The following NPAS1 variants were observed in gnomAD, a reference collection of about 807,000 sequenced individuals.
The protein encoded by NPAS1 is neuronal PAS domain-containing protein 1.
Under a neutral mutation model 49.2 loss-of-function variants are expected in NPAS1, and 29 were observed. The ratio of observed to expected loss-of-function variants is 0.59; its 90% confidence interval spans 0.44 to 0.80. The LOEUF (loss-of-function observed/expected upper bound fraction) is 0.80, where lower values mean the gene tolerates loss of function less well. Ranked by LOEUF, NPAS1 falls within the 30% of genes least tolerant of loss-of-function variation. NPAS1 has a pLI of 0.00. For synonymous variants in NPAS1, 408 were observed against 380.4 expected, an observed-to-expected ratio of 1.07 and a Z score of -0.84; for missense variants, 825 against 835.5, an observed-to-expected ratio of 0.99 and a Z score of 0.15.
At chr19:47,025,660 C>G (rs2056866910) in intron 3 of NPAS1, among the ~76,000 whole-genome samples, 1 of 152,036 alleles carries the variant, frequency 6.6e-6, no homozygotes, top group Non-Finnish European at 1.5e-5. Context: ...ACTGCAGCCT[C>G]CACCTACTAG....
Position 47,033,975 on chromosome 19 carries a change from TAAAAAAAAAAAAAAAAAAAAAAAAAAAAA to T in NPAS1, c.522+1261_522+1289del, listed in dbSNP as rs532811476. Among the ~76,000 whole-genome samples the T allele has an allele frequency of 7.9e-5, 8 of 100,822 alleles. 1 individual carries two copies. In the East Asian group the frequency reaches 1.7e-3, roughly 22 times the overall value. The allele number at this position is 100,822 out of a possible 152,430, so 66.1% of individuals were successfully genotyped here. A position where few individuals can be genotyped will look rare whatever the true frequency, so the allele number is the denominator to read the frequency against. The stretch of plus-strand genomic sequence containing the variant: ...TGGACAACAAAGTGAGGCTATGCCT[TAAAAAAAAAAAAAAAAAAAAAAAAAAAAA>T]AAAAAAAAAAAAAAAAAGGGCCGGG... On this transcript the variant is annotated intron_variant, in intron 5 of 11. Transcript: ENST00000602212.
chr19:47,033,226 T>C (rs2056920355), intron 5 of NPAS1, among the ~76,000 whole-genome samples: 1 of 149,230 alleles, frequency 6.7e-6, no homozygotes, highest in African/African-American at 2.5e-5. Flanking sequence ...TGAGCCACTG[T>C]CCTGGCTGAT....
intron 8 of NPAS1, among the ~76,000 whole-genome samples, chr19:47,039,926 A>G (rs1287572195): frequency 6.6e-6 from 1 of 152,158 alleles, no homozygotes; most frequent in Non-Finnish European, 1.5e-5. Context: ...TAAGTGCTGA[A>G]ATAGTCCCAT....
Position 47,036,014 on chromosome 19 carries a change from C to T in NPAS1, c.573C>T (p.His191=). 2 of 1,596,578 alleles carry T rather than the reference C, an allele frequency of 1.3e-6. No individual in the cohort carries two copies. Among genetic ancestry groups the T allele is most frequent in the Non-Finnish European group, 1.7e-6 (2 of 1,171,818 alleles). The part of the protein sequence containing the change: ...SVFDYIHPGD[H]SEVLEQLGLR... ...TCGACTACATTCACCCTGGGGACCA[C>T]TCAGAGGTGCTGGAGCAACTGGGGC... The change falls in exon 6 of 12, where the codon CAC becomes CAT. Residue 191 remains histidine, a synonymous_variant. Transcript: ENST00000602212.
chr19:47,020,049 A>T, intron 1 of NPAS1, 52 bp downstream of exon 1: 1 of 128,130 alleles, frequency 7.8e-6, no homozygotes. Context: ...TCCCAGAGGA[A>T]TGGGGGGCTG....
At chr19:47,038,242 GGC>G (rs2056979620) in intron 6 of NPAS1, among the ~76,000 whole-genome samples, 1 of 152,246 alleles carries the variant, frequency 6.6e-6, no homozygotes, top group South Asian at 2.1e-4. Context: ...GATGGGGCCA[GGC>G]GCAGTGGCTC....
chr19:47,042,683 C>T, intron 10 of NPAS1, 127 bp from the exon 11 acceptor site: 1 of 651,880 alleles, frequency 1.5e-6, no homozygotes, highest in South Asian at 2.3e-5. Flanking sequence ...CTTGTAAGTG[C>T]CTCAGGGTGG....
In NPAS1 at chr19:47,041,056, T is replaced by A; in HGVS notation, c.1148T>A (p.Val383Glu). ...GGGGGCTTCGTGTGGCTGCAGTCTG[T>A]GGCCACAGTGGCTGGGAGCGGGAAG... ...RAGGFVWLQS[V>E]ATVAGSGKSP... The change falls in exon 10 of 12, where the codon GTG (valine) becomes GAG (glutamate). Residue 383 changes from valine to glutamate, a missense_variant. Transcript: ENST00000602212. The A allele has an allele frequency of 1.9e-6, 3 of 1,592,098 alleles. No homozygotes were observed. Among genetic ancestry groups the A allele is most frequent in the Non-Finnish European group, 2.6e-6 (3 of 1,171,926 alleles).
At position 47,045,569 on chromosome 19, in the gene NPAS1, C is replaced by T; in HGVS notation, c.1691C>T (p.Ala564Val). 2 of 1,498,218 alleles carry T rather than the reference C, an allele frequency of 1.3e-6. No individual in the cohort carries two copies. Among genetic ancestry groups the T allele is most frequent in the Non-Finnish European group, 1.8e-6 (2 of 1,134,090 alleles). The allele number at this position is 1,498,218 out of a possible 1,614,324, so 92.8% of individuals were successfully genotyped here. The change falls in exon 12 of 12, where the codon GCG becomes GTG. Residue 564 changes from alanine (A) to valine (V), a missense_variant. Coordinates refer to ENST00000602212, the MANE Select transcript of NPAS1 (RefSeq NM_002517.4). ...CTGCAGAGGCTGGGTCCGGGCCCCG[C>T]GCTCCCGGAGGCCTTTTACCCGCCC... ...PHLQRLGPGP[A>V]LPEAFYPPLG...
At chr19:47,031,566 T>C (rs1487837891) in intron 3 of NPAS1, among the ~76,000 whole-genome samples, 1 of 140,010 alleles carries the variant, frequency 7.1e-6, no homozygotes, top group Admixed American at 7.6e-5. Context: ...AGTCTCGCAC[T>C]GTCATCCAGG....
rs569677534 is a variant in NPAS1 at position 47,037,498 on chromosome 19, T to C, written c.688+1369T>C. Among the ~76,000 whole-genome samples, 394 of 152,056 alleles carry C rather than the reference T, an allele frequency of 2.6e-3. 1 individual carries two copies. Among genetic ancestry groups the C allele is most frequent in the African/African-American group, 9.2e-3 (383 of 41,458 alleles). On this transcript the variant is annotated intron_variant, in intron 6 of 11. Transcript: ENST00000602212. Reference sequence around the variant, plus strand: ...GGTCACACAGCTATAAGTGATTGAGTTGGATTCTAGCCCAGGTCTGTCTGT... The same window carrying C: ...GGTCACACAGCTATAAGTGATTGAGCTGGATTCTAGCCCAGGTCTGTCTGT...
rs565964025 is a variant in NPAS1 at position 47,021,210 on chromosome 19, G to A, written c.122+41G>A. The A allele has an allele frequency of 1.6e-4, 225 of 1,450,784 alleles. No homozygotes were observed. Among genetic ancestry groups the A allele is most frequent in the Middle Eastern group, 2.3e-4 (1 of 4,438 alleles). 89.9% of individuals were successfully genotyped at this position (1,450,784 alleles called of 1,614,324 possible). On this transcript the variant is annotated intron_variant, in intron 2 of 11. Coordinates refer to ENST00000602212, the MANE Select transcript of NPAS1 (RefSeq NM_002517.4). This position sits in a 1 kb window ranked among gnomAD's most constrained non-coding sequence, Gnocchi z 5.7. ...CCCCCCTGGCCGCGGGCCCCCCCCC[G>A]GGTCCAATTCACACCCGATGTTCTG... is the stretch of plus-strand genomic sequence containing the variant.
intron 5 of NPAS1, 58 bp from the exon 6 acceptor site, chr19:47,035,906 A>T: frequency 6.9e-7 from 1 of 1,450,980 alleles, no homozygotes; most frequent in Non-Finnish European, 9.1e-7. Flanking sequence ...CCAGAGGGCG[A>T]GCGAGTTACT....
Position 47,034,335 on chromosome 19 carries a change from G to T in NPAS1, c.522+1603G>T, listed in dbSNP as rs537756564. Among the ~76,000 whole-genome samples, 31 of 146,966 alleles carry T rather than the reference G, an allele frequency of 2.1e-4. No individual in the cohort carries two copies. In the South Asian group the frequency reaches 5.4e-3, roughly 25 times the overall value. ...GTCTCAAAAAAAAAAAAAAAAAAAG[G>T]GCAGGAAGACCTACTGAAAGCCCCA... On this transcript the variant is annotated intron_variant, in intron 5 of 11. Coordinates refer to ENST00000602212, the MANE Select transcript of NPAS1 (RefSeq NM_002517.4).
chr19:47,027,300 C>CAA, intron 3 of NPAS1, among the ~76,000 whole-genome samples: 1 of 152,132 alleles, frequency 6.6e-6, no homozygotes, highest in Non-Finnish European at 1.5e-5. Flanking sequence ...TTGGAAGAGG[C>CAA]CTTGGCTTCT....
At chr19:47,042,405 C>A (rs2057031374) in intron 10 of NPAS1, among the ~76,000 whole-genome samples, 1 of 152,188 alleles carries the variant, frequency 6.6e-6, no homozygotes, top group African/African-American at 2.4e-5. Flanking sequence ...GAGGCTGGGG[C>A]CAGTCCTGGG....
intron 7 of NPAS1, 87 bp from the exon 8 acceptor site, chr19:47,039,320 G>T: frequency 1.3e-6 from 2 of 1,555,552 alleles, no homozygotes; most frequent in Non-Finnish European, 1.8e-6. Flanking sequence ...GCACCTGTGG[G>T]GGACAGAGGG....
At position 47,032,356 on chromosome 19, in the gene NPAS1, G is replaced by A; in HGVS notation, c.432+5G>A. On this transcript the variant is annotated splice_donor_5th_base_variant and intron_variant, in intron 4 of 11. Transcript: ENST00000602212. ...CTGGGAGGTCACATCTTGCAGGTGA[G>A]TGAGGCCCCTTCCCTGCCTGCCGCT... 6.2e-7 allele frequency: 1 copy of A among 1,613,878 alleles called. No homozygotes were observed.
chr19:47,040,583 A>AC lies in NPAS1; in HGVS notation c.1069+35dup, dbSNP rs747839929. 2.8e-6 allele frequency: 4 copies of AC among 1,451,128 alleles called. No homozygotes were observed. The South Asian group carries it at 4.9e-5, about 18-fold the overall frequency. 89.9% of individuals were successfully genotyped at this position (1,451,128 alleles called of 1,614,324 possible). On this transcript the variant is annotated intron_variant, in intron 9 of 11. Transcript: ENST00000602212. ...CCACCTCCACCCACCAAGCCTGCCTACCACCCCCCAGACCCGAGCATCCCA... is the reference window on the plus strand; with the variant it reads ...CCACCTCCACCCACCAAGCCTGCCTACCCACCCCCCAGACCCGAGCATCCCA...
Sources: allele counts gnomAD v4.1 joint callset (sites outside exome capture counted in the v4.1 genomes callset), GRCh38; gene constraint gnomAD v4.1.1; non-coding constraint Gnocchi (gnomAD v3.1); transcripts MANE v1.5; gene names NCBI Gene and HGNC (gene_info 2026-07-23, HGNC 2026-07-21).